VPS36: variants seen among roughly 807,000 people sequenced by gnomAD.
VPS36 encodes the protein vacuolar protein sorting 36 homolog.
A neutral mutation model predicts 63.5 loss-of-function variants in VPS36; 31 were observed. The ratio of observed to expected loss-of-function variants is 0.49; its 90% CI spans 0.37 to 0.66. The LOEUF (loss-of-function observed/expected upper bound fraction) is 0.66, where lower values mean the gene tolerates loss of function less well. Ranked by LOEUF, VPS36 falls within the 30% of genes least tolerant of loss-of-function variation. The probability of loss-of-function intolerance (pLI) is 0.00; values close to 1 mark genes in which losing one functional copy is unlikely to be tolerated. For synonymous variants in VPS36, 138 were observed against 157.2 expected, an observed-to-expected ratio of 0.88 and a Z score of 0.91; for missense variants, 338 against 463.7, an observed-to-expected ratio of 0.73 and a Z score of 2.49.
intron 6 of VPS36, among the ~76,000 whole-genome samples, chr13:52,431,515 A>ATGG (rs1958155662): frequency 1.3e-5 from 2 of 152,170 alleles, no homozygotes; most frequent in Non-Finnish European, 2.9e-5. Context: ...CTGTAATCCT[A>ATGG]GCACTTTGGG....
intron 10 of VPS36, among the ~76,000 whole-genome samples, chr13:52,422,757 AG>A (rs1958059225): frequency 1.3e-5 from 2 of 152,220 alleles, no homozygotes; most frequent in African/African-American, 2.4e-5. Context: ...TGCATATAAC[AG>A]ACAAGAGAGG....
intron 1 of VPS36, among the ~76,000 whole-genome samples, chr13:52,443,569 T>C (rs531109899): frequency 6.6e-6 from 1 of 152,294 alleles, no homozygotes; most frequent in South Asian, 2.1e-4. Context: ...AGCACCTTGA[T>C]CTTAGACTTC....
At chr13:52,437,080 T>C (rs1958226785) in intron 3 of VPS36, among the ~76,000 whole-genome samples, 1 of 151,750 alleles carries the variant, frequency 6.6e-6, no homozygotes, top group Non-Finnish European at 1.5e-5. Flanking sequence ...ACCTAGTCAA[T>C]AAGCAATCTT....
chr13:52,429,124 C>A (rs956334188), intron 6 of VPS36: 2 of 256,374 alleles, frequency 7.8e-6, no homozygotes, highest in South Asian at 3.0e-4. Flanking sequence ...AACCTTGTAT[C>A]CCTCTACCAC....
At chr13:52,437,988 G>A (rs188881126) in intron 3 of VPS36, among the ~76,000 whole-genome samples, 510 of 151,922 alleles carry the variant, frequency 3.4e-3, no homozygotes, top group Non-Finnish European at 5.3e-3. Context: ...AAGGTGAAAC[G>A]TACACATCTT....
chr13:52,431,761 T>C (rs1319245912), intron 6 of VPS36, among the ~76,000 whole-genome samples: 7 of 107,346 alleles, frequency 6.5e-5, no homozygotes, highest in Non-Finnish European at 1.1e-4. Context: ...AGACTCTGTC[T>C]CAAAAAAAAA....
Position 52,426,042 on chromosome 13 carries a change from G to C in VPS36, c.664C>G (p.Leu222Val), listed in dbSNP as rs894811249. The change falls in exon 9 of 14, where the codon CTG becomes GTG. Residue 222 changes from leucine (L) to valine (V), a missense_variant. Transcript: ENST00000378060. ...ACTGGGTTAGCTATTCCCATGCTCAGCAAGTAGGATTTAAACCTGATGGTC... is the reference window on the plus strand; with the variant it reads ...ACTGGGTTAGCTATTCCCATGCTCACCAAGTAGGATTTAAACCTGATGGTC... ...DETIRFKSYLLSMGIANPVTR... is the reference protein window; with the variant it reads ...DETIRFKSYLVSMGIANPVTR... The C allele has an allele frequency of 1.2e-6, 2 of 1,614,046 alleles. No homozygotes were observed. Among genetic ancestry groups the C allele is most frequent in the Non-Finnish European group, 8.5e-7 (1 of 1,179,950 alleles).
intron 6 of VPS36, among the ~76,000 whole-genome samples, chr13:52,431,539 C>T (rs747742680): frequency 1.3e-4 from 20 of 151,798 alleles, no homozygotes; most frequent in Admixed American, 3.3e-4. Flanking sequence ...CCGAGGCAGG[C>T]GGTTCACGAG....
At chr13:52,416,658 T>C (rs1189938329) in intron 12 of VPS36, among the ~76,000 whole-genome samples, 2 of 152,246 alleles carry the variant, frequency 1.3e-5, no homozygotes, top group Non-Finnish European at 2.9e-5. Context: ...GCTTTTTATA[T>C]TTTTTGAAGC....
intron 6 of VPS36, among the ~76,000 whole-genome samples, chr13:52,433,175 G>A (rs1165315798): frequency 6.6e-6 from 1 of 152,190 alleles, no homozygotes; most frequent in Non-Finnish European, 1.5e-5. Flanking sequence ...ACACTGGAAT[G>A]TACATGCTCA....
intron 1 of VPS36, 41 bp from the exon 2 acceptor site, chr13:52,442,486 C>T: frequency 1.9e-6 from 3 of 1,548,474 alleles, no homozygotes; most frequent in South Asian, 2.4e-5. Context: ...TAACATATCA[C>T]TCATTGTGGT....
Position 52,415,126 on chromosome 13 carries a change from C to A in VPS36, c.*704G>T, listed in dbSNP as rs1185138725. On this transcript the variant is annotated 3_prime_UTR_variant, in exon 14 of 14. Transcript: ENST00000378060. ...CCCAGGGAATTCCTGAGCCGTCTAC[C>A]TCCTAAATTTGTAATCATAACTCTG... 1 of 152,144 alleles carries A rather than the reference C, an allele frequency of 6.6e-6. No individual in the cohort carries two copies. Among genetic ancestry groups the A allele is most frequent in the African/African-American group, 2.4e-5 (1 of 41,420 alleles). The allele number at this position is 152,144 out of a possible 1,614,324, so 9.4% of individuals were successfully genotyped here. A position where few individuals can be genotyped will look rare whatever the true frequency, so the allele number is the denominator to read the frequency against.
At position 52,420,380 on chromosome 13, in the gene VPS36, T is replaced by C. The variant is rs1232622098; in HGVS notation, c.841-2324A>G. ...TGCAGTCTTGCTCTGTTGCCCAGGC[T>C]GGAGTGCAGTGGCGTGATCTCGGCT... On this transcript the variant is annotated intron_variant, in intron 10 of 13. Coordinates refer to ENST00000378060, the MANE Select transcript of VPS36 (RefSeq NM_016075.4). Among the ~76,000 whole-genome samples, 3 of 151,790 alleles carry C rather than the reference T, an allele frequency of 2.0e-5. No individual in the cohort carries two copies. The East Asian group carries it at 5.9e-4, about 30-fold the overall frequency.
intron 10 of VPS36, among the ~76,000 whole-genome samples, chr13:52,420,642 A>G (rs1425146100): frequency 1.3e-5 from 2 of 151,928 alleles, no homozygotes. Flanking sequence ...CCTATTGTAT[A>G]TTTCAAAGTA....
chr13:52,426,196 T>G (rs1277628718), intron 8 of VPS36, 130 bp from the exon 9 acceptor site: 1 of 1,194,344 alleles, frequency 8.4e-7, no homozygotes, highest in Non-Finnish European at 1.2e-6. Flanking sequence ...TTCTATGCTG[T>G]GAACTATAAG....
Position 52,447,572 on chromosome 13 carries a change from A to C in VPS36, c.96+2927T>G, listed in dbSNP as rs571192846. On this transcript the variant is annotated intron_variant, in intron 1 of 13. Transcript: ENST00000378060. ...TGCCTGTATAAACAAGCGAGTCTGCATGTATTCATAAGAGGCACTTGGGCG... is the reference window on the plus strand; with the variant it reads ...TGCCTGTATAAACAAGCGAGTCTGCCTGTATTCATAAGAGGCACTTGGGCG... Among the ~76,000 whole-genome samples, 16 of 152,314 alleles carry C rather than the reference A, an allele frequency of 1.1e-4. No homozygotes were observed. The South Asian group carries it at 2.9e-3, about 28-fold the overall frequency.
intron 3 of VPS36, among the ~76,000 whole-genome samples, chr13:52,437,447 T>C (rs1169684246): frequency 6.6e-6 from 1 of 152,066 alleles, no homozygotes; most frequent in African/African-American, 2.4e-5. Context: ...AAGCATTTCA[T>C]AGTCTCTGAA....
At position 52,416,061 on chromosome 13, in the gene VPS36, C is replaced by T. The variant is rs200461576; in HGVS notation, c.1023G>A (p.Glu341=). 1.9e-6 allele frequency: 3 copies of T among 1,613,902 alleles called. No homozygotes were observed. The highest frequency in any genetic ancestry group is 2.5e-6 in the Non-Finnish European group (3 of 1,179,944). The change falls in exon 13 of 14, where the codon GAG becomes GAA. Residue 341 remains glutamate (E), a synonymous_variant. Coordinates refer to ENST00000378060, the MANE Select transcript of VPS36 (RefSeq NM_016075.4). ...VSEKGSLTSE[E]FAKLVGMSVL... ...CAGACATTCCCACAAGCTTAGCAAACTCTTCTGATGTTAGGGATCCCTTTT... is the reference window on the plus strand; with the variant it reads ...CAGACATTCCCACAAGCTTAGCAAATTCTTCTGATGTTAGGGATCCCTTTT...
chr13:52,417,245 G>A, intron 11 of VPS36, 104 bp from the exon 12 acceptor site: 2 of 904,836 alleles, frequency 2.2e-6, no homozygotes, highest in South Asian at 3.1e-5. Flanking sequence ...AGATATGAGG[G>A]CAATATTAAA....
Sources: allele counts gnomAD v4.1 joint callset (sites outside exome capture counted in the v4.1 genomes callset), GRCh38; gene constraint gnomAD v4.1.1; transcripts MANE v1.5; gene names NCBI Gene and HGNC (gene_info 2026-07-23, HGNC 2026-07-21).